PCP4L1: variants seen among roughly 807,000 people sequenced by gnomAD.
PCP4L1 encodes Purkinje cell protein 4-like protein 1.
A neutral mutation model predicts 9.6 loss-of-function variants in PCP4L1; 9 were observed. The observed-to-expected ratio is 0.94, with a 90% CI of 0.57 to 1.64. The LOEUF (loss-of-function observed/expected upper bound fraction) is 1.64. PCP4L1 is among the 40% of genes most tolerant of loss of function. The pLI is 0.00. For synonymous variants in PCP4L1, 31 were observed against 28.2 expected, an observed-to-expected ratio of 1.10 and a Z score of -0.31; for missense variants, 81 against 80.8, an observed-to-expected ratio of 1.00 and a Z score of -0.01.
chr1:161,275,461 G>C (rs1252476860), intron 1 of PCP4L1, among the ~76,000 whole-genome samples: 1 of 150,588 alleles, frequency 6.6e-6, no homozygotes, highest in Non-Finnish European at 1.5e-5. Flanking sequence ...GCTTGCAATG[G>C]GCCGAGATCG....
At chr1:161,269,264 G>T (rs907502577) in intron 1 of PCP4L1, among the ~76,000 whole-genome samples, 1 of 151,888 alleles carries the variant, frequency 6.6e-6, no homozygotes. Flanking sequence ...GGGAAGGGGG[G>T]GTAAGACATT....
At chr1:161,281,400 A>G (rs1038047213) in intron 1 of PCP4L1, among the ~76,000 whole-genome samples, 1 of 151,980 alleles carries the variant, frequency 6.6e-6, no homozygotes, top group Non-Finnish European at 1.5e-5. Context: ...GGGGCTCCTC[A>G]CTTCCCACAA....
At chr1:161,271,423 T>C (rs564797042) in intron 1 of PCP4L1, among the ~76,000 whole-genome samples, 1 of 152,376 alleles carries the variant, frequency 6.6e-6, no homozygotes, top group African/African-American at 2.4e-5. Flanking sequence ...AAAAGTTCTT[T>C]CAATACTTAT....
chr1:161,279,471 A>T (rs116339404), intron 1 of PCP4L1, among the ~76,000 whole-genome samples: 2 of 152,212 alleles, frequency 1.3e-5, no homozygotes, highest in African/African-American at 4.8e-5. Context: ...TAAGTGCTTG[A>T]TAAGTATTTA....
chr1:161,274,193 T>C (rs1669665905), intron 1 of PCP4L1, among the ~76,000 whole-genome samples: 1 of 152,182 alleles, frequency 6.6e-6, no homozygotes, highest in Non-Finnish European at 1.5e-5. Flanking sequence ...TAAAGCGAGG[T>C]GACATTCTGA....
In PCP4L1 at chr1:161,259,001, C is replaced by T. The variant is rs1398169903; in HGVS notation, c.9+18C>T. ...TGAGCGAGGTGAGCGGTGCGGCCCCCGGCGCTGTCGGCAGGGCTGCGGCGG... is the reference window on the plus strand; with the variant it reads ...TGAGCGAGGTGAGCGGTGCGGCCCCTGGCGCTGTCGGCAGGGCTGCGGCGG... On this transcript the variant is annotated intron_variant, in intron 1 of 2. Coordinates refer to ENST00000504449, the MANE Select transcript of PCP4L1 (RefSeq NM_001102566.2). 6.5e-7 allele frequency: 1 copy of T among 1,530,596 alleles called. No individual in the cohort carries two copies. The highest frequency in any genetic ancestry group is 8.7e-7 in the Non-Finnish European group (1 of 1,144,530). The allele number at this position is 1,530,596 out of a possible 1,614,324, so 94.8% of individuals were successfully genotyped here. A position where few individuals can be genotyped will look rare whatever the true frequency, so the allele number is the denominator to read the frequency against.
intron 1 of PCP4L1, among the ~76,000 whole-genome samples, chr1:161,267,955 C>A (rs1000010676): frequency 6.6e-6 from 1 of 152,150 alleles, no homozygotes; most frequent in Non-Finnish European, 1.5e-5. Flanking sequence ...TCAGGTGATC[C>A]CCCTGCCTTG....
chr1:161,270,334 C>G (rs1362352598), intron 1 of PCP4L1, among the ~76,000 whole-genome samples: 1 of 151,906 alleles, frequency 6.6e-6, no homozygotes. Flanking sequence ...AGAATTTCAT[C>G]TTTTATCCTA....
intron 1 of PCP4L1, among the ~76,000 whole-genome samples, chr1:161,266,990 G>A (rs113120003): frequency 6.6e-6 from 1 of 152,138 alleles, no homozygotes; most frequent in African/African-American, 2.4e-5. Flanking sequence ...GGGTCCCAGG[G>A]TGGAGTGGGA....
At chr1:161,283,754 G>A (rs1408018120) in intron 2 of PCP4L1, 32 bp downstream of exon 2, 3 of 1,582,292 alleles carry the variant, frequency 1.9e-6, no homozygotes, top group South Asian at 2.3e-5. Flanking sequence ...AGTTTGTAGA[G>A]CAGGTGACTG....
chr1:161,274,304 G>T (rs1388895107), intron 1 of PCP4L1, among the ~76,000 whole-genome samples: 1 of 151,988 alleles, frequency 6.6e-6, no homozygotes, highest in Non-Finnish European at 1.5e-5. Context: ...GAAAAGCTCA[G>T]TATCGAAAGG....
intron 1 of PCP4L1, among the ~76,000 whole-genome samples, chr1:161,267,038 C>G (rs1343144722): frequency 6.6e-6 from 1 of 152,100 alleles, no homozygotes; most frequent in African/African-American, 2.4e-5. Flanking sequence ...GGAAGCAGAT[C>G]CACTAACTCT....
intron 1 of PCP4L1, among the ~76,000 whole-genome samples, chr1:161,260,798 A>G (rs2102229405): frequency 6.6e-6 from 1 of 152,306 alleles, no homozygotes; most frequent in South Asian, 2.1e-4. Flanking sequence ...CCACGGATGG[A>G]GACTATCAGT....
At chr1:161,283,772 A>G (rs1298537246) in intron 2 of PCP4L1, 50 bp downstream of exon 2, 5 of 1,537,798 alleles carry the variant, frequency 3.3e-6, no homozygotes, top group Admixed American at 1.9e-5. Flanking sequence ...CTGTAGAGAC[A>G]TAAAGACAAG....
At chr1:161,261,163 G>A (rs535538306) in intron 1 of PCP4L1, among the ~76,000 whole-genome samples, 3 of 152,134 alleles carry the variant, frequency 2.0e-5, no homozygotes, top group Non-Finnish European at 2.9e-5. Flanking sequence ...TGAATCTTAC[G>A]TAAGTTTCAC....
At chr1:161,272,346 T>C (rs1669636766) in intron 1 of PCP4L1, among the ~76,000 whole-genome samples, 3 of 151,580 alleles carry the variant, frequency 2.0e-5, no homozygotes, top group Admixed American at 2.0e-4. Flanking sequence ...GATCATGAGG[T>C]CAGGAGTTCG....
At chr1:161,260,314 T>G (rs545477258) in intron 1 of PCP4L1, among the ~76,000 whole-genome samples, 2 of 152,334 alleles carry the variant, frequency 1.3e-5, no homozygotes, top group African/African-American at 2.4e-5. Context: ...GGGCTGCAGA[T>G]GAACCAAAGT....
At chr1:161,281,942 A>G (rs1250901989) in intron 1 of PCP4L1, among the ~76,000 whole-genome samples, 1 of 149,028 alleles carries the variant, frequency 6.7e-6, no homozygotes, top group Non-Finnish European at 1.5e-5. Flanking sequence ...ATCCCAGACG[A>G]TGGGCGGCCA....
intron 1 of PCP4L1, among the ~76,000 whole-genome samples, chr1:161,262,297 G>T (rs913949333): frequency 6.6e-6 from 1 of 151,958 alleles, no homozygotes; most frequent in African/African-American, 2.4e-5. Context: ...AGCCAGGCAT[G>T]GTGGCAGGCG....
Sources: allele counts gnomAD v4.1 joint callset (sites outside exome capture counted in the v4.1 genomes callset), GRCh38; gene constraint gnomAD v4.1.1; transcripts MANE v1.5; gene names NCBI Gene and HGNC (gene_info 2026-07-23, HGNC 2026-07-21).